The following MOV10L1 variants were observed in gnomAD, a reference collection of about 807,000 sequenced individuals.
The protein encoded by MOV10L1 is RNA helicase Mov10l1.
In MOV10L1, 110 loss-of-function variants were observed where a neutral mutation model predicts 143.8. The ratio of observed to expected loss-of-function variants is 0.76; its 90% confidence interval spans 0.66 to 0.90. The LOEUF is 0.90. Ranked by LOEUF, MOV10L1 falls within the 40% of genes least tolerant of loss-of-function variation. The probability of loss-of-function intolerance (pLI) is 0.00; values close to 1 mark genes in which losing one functional copy is unlikely to be tolerated. For missense variants in MOV10L1, 1,406 were observed against 1,526.8 expected, an observed-to-expected ratio of 0.92 and a Z score of 1.32; for synonymous variants, 593 against 581.1, an observed-to-expected ratio of 1.02 and a Z score of -0.29.
In MOV10L1 at chr22:50,159,633, T is replaced by G; in HGVS notation, c.3217-45T>G. ...AAAAAAGGAAAAGAAAAGAAATGGA[T>G]TTGTACAGTGTTATCTTTAGTCTTT... is the stretch of plus-strand genomic sequence containing the variant. On this transcript the variant is annotated intron_variant, in intron 23 of 26. Coordinates refer to ENST00000262794, the MANE Select transcript of MOV10L1 (RefSeq NM_018995.3). The surrounding 1 kb of genome is among the most constrained non-coding windows in gnomAD (Gnocchi z 4.1). The G allele has an allele frequency of 7.2e-6, 9 of 1,250,680 alleles. No individual in the cohort carries two copies. The highest frequency in any genetic ancestry group is 1.0e-5 in the Non-Finnish European group (9 of 878,838). The allele number at this position is 1,250,680 out of a possible 1,614,324, so 77.5% of individuals were successfully genotyped here.
intron 3 of MOV10L1, among the ~76,000 whole-genome samples, chr22:50,103,384 C>T (rs1411934439): frequency 1.3e-5 from 2 of 152,182 alleles, no homozygotes; most frequent in Non-Finnish European, 2.9e-5. Context: ...TGGATGAAGG[C>T]AGCTAAAATT....
At chr22:50,157,778 A>T (rs1421098777) in intron 22 of MOV10L1, among the ~76,000 whole-genome samples, 1 of 151,640 alleles carries the variant, frequency 6.6e-6, no homozygotes, top group Non-Finnish European at 1.5e-5. Context: ...AAAAAAAAAA[A>T]AAAGATCAGA....
chr22:50,108,821 T>G lies in MOV10L1; in HGVS notation c.720T>G (p.Leu240=), dbSNP rs141847529. The G allele has an allele frequency of 3.0e-4, 478 of 1,613,984 alleles. 1 individual carries two copies. The highest frequency in any genetic ancestry group is 3.9e-4 in the Non-Finnish European group (462 of 1,180,016). Residue 240 remains leucine (L), a synonymous_variant, in exon 5 of 27, where the codon CTT becomes CTG. Coordinates refer to ENST00000262794, the MANE Select transcript of MOV10L1 (RefSeq NM_018995.3). ...AGTCATGCTATGTCTGGAGGGCACT[T>G]TGTATGACCCTAGTGAAGAGGCGGT... ...SSQSCYVWRA[L]CMTLVKRRDA... is the part of the protein sequence containing the mutation.
Position 50,141,328 on chromosome 22 carries a change from G to A in MOV10L1, c.2071-753G>A, listed in dbSNP as rs532028215. Among the ~76,000 whole-genome samples, 622 of 146,726 alleles carry A rather than the reference G, an allele frequency of 4.2e-3. 4 individuals are homozygous for A. Among genetic ancestry groups the A allele is most frequent in the African/African-American group, 0.014 (579 of 40,594 alleles). ...TGGGATTATAGGCGTGAGCCACTGC[G>A]TGCAGCCTTTTTTTTTTTTATGAGT... On this transcript the variant is annotated intron_variant, in intron 15 of 26. Transcript: ENST00000262794.
At chr22:50,113,935 T>TC in intron 6 of MOV10L1, 147 bp downstream of exon 6, 1 of 799,694 alleles carries the variant, frequency 1.3e-6, no homozygotes, top group Non-Finnish European at 1.7e-6. Context: ...TTTTTTTTTT[T>TC]TGAGACAGCG....
At chr22:50,098,813 T>C (rs2062663375) in intron 2 of MOV10L1, among the ~76,000 whole-genome samples, 1 of 152,208 alleles carries the variant, frequency 6.6e-6, no homozygotes, top group Non-Finnish European at 1.5e-5. Flanking sequence ...GAGATTTTTG[T>C]TTATGGCCTT....
intron 2 of MOV10L1, chr22:50,095,948 C>T (rs2062577401): frequency 6.6e-6 from 1 of 152,116 alleles, no homozygotes; most frequent in South Asian, 2.1e-4. Flanking sequence ...AATACAGTTT[C>T]TGTGTTGTGA....
rs760749 is a variant in MOV10L1 at position 50,117,257 on chromosome 22, A to C, written c.1360A>C (p.Ile454Leu). 251,938 of 1,613,858 alleles carry C rather than the reference A, an allele frequency of 0.16. 20,833 individuals carry two copies. The highest frequency in any genetic ancestry group is 0.25 in the East Asian group (11,367 of 44,840). Residue 454 changes from isoleucine (I) to leucine (L), a missense_variant, in exon 9 of 27, where the codon ATT (isoleucine) becomes CTT (leucine). Ile to Leu is a conservative substitution (Grantham distance 5, BLOSUM62 2). Around this residue, in one of 3 missense-constraint regions of MOV10L1, gnomAD observed 1,233 missense variants for 1,351.4 expected, o/e 0.91. Transcript: ENST00000262794. The stretch of plus-strand genomic sequence containing the variant: ...TGTTATCAGTGGGGAGGAGTCACTA[A>C]TTGCTGCGCGCGAACCATTTTCTTG... Reference protein sequence around the residue: ...VNVISGEESLIAAREPFSWKK... With the variant: ...VNVISGEESLLAAREPFSWKK...
chr22:50,136,319 T>C (rs1037786006), intron 15 of MOV10L1, among the ~76,000 whole-genome samples: 1 of 152,228 alleles, frequency 6.6e-6, no homozygotes, highest in African/African-American at 2.4e-5. Context: ...GGTGGGCACA[T>C]TCCTAATTGA....
At chr22:50,103,052 G>T (rs977638362) in intron 3 of MOV10L1, among the ~76,000 whole-genome samples, 1 of 152,222 alleles carries the variant, frequency 6.6e-6, no homozygotes, top group Admixed American at 6.5e-5. Context: ...GTGGCGGGAG[G>T]AGGGTCCAGG....
At chr22:50,111,694 G>A (rs1484771382) in intron 5 of MOV10L1, among the ~76,000 whole-genome samples, 4 of 151,550 alleles carry the variant, frequency 2.6e-5, no homozygotes, top group Non-Finnish European at 4.4e-5. Context: ...TAATAGAGAC[G>A]GGGTTTCACC....
chr22:50,097,728 C>G (rs1054645806), intron 2 of MOV10L1, among the ~76,000 whole-genome samples: 1 of 152,112 alleles, frequency 6.6e-6, no homozygotes, highest in African/African-American at 2.4e-5. Flanking sequence ...ACCATTTTGC[C>G]TATTCATGGT....
chr22:50,137,388 T>G (rs944516855), intron 15 of MOV10L1, among the ~76,000 whole-genome samples: 28 of 152,174 alleles, frequency 1.8e-4, no homozygotes, highest in Admixed American at 1.4e-3. Context: ...TTGGACAGAA[T>G]TATCAGCAGA....
chr22:50,114,651 G>T (rs779611794), intron 7 of MOV10L1, 29 bp downstream of exon 7: 3 of 1,609,560 alleles, frequency 1.9e-6, no homozygotes, highest in Non-Finnish European at 2.5e-6. Context: ...GTCACTGCGT[G>T]AGGTCGGGTG....
Position 50,090,032 on chromosome 22 carries a change from C to A in MOV10L1, c.-57C>A, listed in dbSNP as rs1258023806. On this transcript the variant is annotated 5_prime_UTR_variant, in exon 1 of 27. Transcript: ENST00000262794. ...TTGGTGGCGGGCGGCGGGAGCGGCG[C>A]GGGCGCGTGCGGGCGGCGGCAGCGG... 34 of 1,164,500 alleles carry A rather than the reference C, an allele frequency of 2.9e-5. No homozygotes were observed. Among genetic ancestry groups the A allele is most frequent in the East Asian group, 1.2e-4 (3 of 24,278 alleles). The allele number at this position is 1,164,500 out of a possible 1,614,324, so 72.1% of individuals were successfully genotyped here.
intron 3 of MOV10L1, among the ~76,000 whole-genome samples, chr22:50,103,983 A>T (rs2061808240): frequency 6.6e-6 from 1 of 152,182 alleles, no homozygotes; most frequent in Non-Finnish European, 1.5e-5. Context: ...TCACCATAAC[A>T]TGGAATCAGT....
intron 10 of MOV10L1, among the ~76,000 whole-genome samples, chr22:50,122,257 A>T (rs1233320076): frequency 6.6e-6 from 1 of 152,178 alleles, no homozygotes; most frequent in Non-Finnish European, 1.5e-5. Flanking sequence ...TTCTCTGTAT[A>T]TGTTTTTCAC....
Position 50,159,953 on chromosome 22 carries a change from G to C in MOV10L1, c.3324+168G>C, listed in dbSNP as rs2063513638. Among the ~76,000 whole-genome samples the C allele has an allele frequency of 6.6e-6, 1 of 152,058 alleles. No homozygotes were observed. The highest frequency in any genetic ancestry group is 1.5e-5 in the Non-Finnish European group (1 of 67,998). ...CCATTGTAAGCAGTGGCTGTGGGAAGGTCTTTTAAAACAATACTCAAAGAC... is the reference window on the plus strand; with the variant it reads ...CCATTGTAAGCAGTGGCTGTGGGAACGTCTTTTAAAACAATACTCAAAGAC... On this transcript the variant is annotated intron_variant, in intron 24 of 26. Transcript: ENST00000262794. The surrounding 1 kb of genome is among the most constrained non-coding windows in gnomAD (Gnocchi z 4.1).
At position 50,090,173 on chromosome 22, in the gene MOV10L1, G is replaced by A. The variant is rs1237156816; in HGVS notation, c.85G>A (p.Glu29Lys). ...PREEAGQLEP[E>K]LAEGDTKLKT... ...GGAGGAAGCCGGGCAGCTGGAGCCCGAGCTCGCGGAAGGTGGCTCGCGGGA... is the reference window on the plus strand; with the variant it reads ...GGAGGAAGCCGGGCAGCTGGAGCCCAAGCTCGCGGAAGGTGGCTCGCGGGA... The change falls in exon 1 of 27, where the codon GAG (glutamate) becomes AAG (lysine). Residue 29 changes from glutamate (E) to lysine (K), a missense_variant. Coordinates refer to ENST00000262794, the MANE Select transcript of MOV10L1 (RefSeq NM_018995.3). The A allele has an allele frequency of 3.5e-6, 5 of 1,418,338 alleles. No homozygotes were observed. In the African/African-American group the frequency reaches 6.0e-5, roughly 17 times the overall value. 87.9% of individuals were successfully genotyped at this position (1,418,338 alleles called of 1,614,324 possible). A position where few individuals can be genotyped will look rare whatever the true frequency, so the allele number is the denominator to read the frequency against.
Sources: gnomAD v4.1 joint callset for allele counts (sites outside exome capture counted in the v4.1 genomes callset) on GRCh38, gnomAD v4.1.1 for gene constraint, gnomAD v4.1.1 regional missense constraint, Gnocchi (gnomAD v3.1) non-coding constraint, MANE v1.5 for transcripts, NCBI Gene and HGNC (gene_info 2026-07-23, HGNC 2026-07-21) for gene names.